SMC3: variants seen among roughly 807,000 people sequenced by gnomAD.
SMC3 encodes the protein structural maintenance of chromosomes 3, also known as structural maintenance of chromosomes protein 3.
In SMC3, 20 loss-of-function variants were observed where a neutral mutation model predicts 171.8. The ratio of observed to expected loss-of-function variants is 0.12; its 90% CI spans 0.08 to 0.17. The LOEUF is 0.17. SMC3 is among the 10% of genes least tolerant of loss of function. The probability of loss-of-function intolerance (pLI) is 1.00; values close to 1 mark genes in which losing one functional copy is unlikely to be tolerated. For missense variants in SMC3, 543 were observed against 1,420.4 expected (o/e 0.38, Z 9.93); for synonymous variants, 464 against 451.1 (o/e 1.03, Z -0.36).
chr10:110,578,528 C>A, intron 6 of SMC3, 100 bp from the exon 7 acceptor site: 1 of 801,632 alleles, frequency 1.2e-6, no homozygotes, highest in Non-Finnish European at 2.1e-6. Context: ...AATTACTGAT[C>A]TTTCCTCCCT....
At chr10:110,582,168 A>G (rs149494337) in intron 9 of SMC3, 70 bp downstream of exon 9, 12 of 1,267,906 alleles carry the variant, frequency 9.5e-6, no homozygotes, top group Admixed American at 1.8e-5. Flanking sequence ...AACTCAGGCC[A>G]TAATTACACT....
At chr10:110,584,823 C>A (rs143335845) in intron 13 of SMC3, among the ~76,000 whole-genome samples, 1 of 152,080 alleles carries the variant, frequency 6.6e-6, no homozygotes. Context: ...CGAGGTCTTG[C>A]CATGTAGCCT....
At chr10:110,604,203 ATT>A (rs764622575) in intron 28 of SMC3, 26 bp from the exon 29 acceptor site, 1 of 1,499,990 alleles carries the variant, frequency 6.7e-7, no homozygotes, top group East Asian at 2.3e-5. Context: ...TAATTAACAG[ATT>A]TTTGTTTTTA....
rs367803262 is a variant in SMC3, at chr10:110,581,999, A to C, written c.624A>C (p.Glu208Asp). The C allele has an allele frequency of 3.5e-5, 57 of 1,613,226 alleles. No individual in the cohort carries two copies. The highest frequency in any genetic ancestry group is 4.7e-5 in the Non-Finnish European group (55 of 1,179,336). Residue 208 changes from glutamate to aspartate, a missense_variant, in exon 9 of 29, where the codon GAA becomes GAC. This residue lies in a region of SMC3 where 146 missense variants were observed against 437.9 expected (regional missense o/e 0.33). Coordinates refer to ENST00000361804, the MANE Select transcript of SMC3 (RefSeq NM_005445.4). ...TACATACTCTAGAGGAAGAAAAGGA[A>C]GAACTAGCTCAGTATCAGAAGTGGG... The part of the protein sequence containing the change: ...ERLHTLEEEK[E>D]ELAQYQKWDK...
At chr10:110,585,290 A>ATT (rs111694406) in intron 13 of SMC3, among the ~76,000 whole-genome samples, 9,371 of 123,558 alleles carry the variant, frequency 0.076, 459 homozygotes, top group East Asian at 0.25. Flanking sequence ...GATAGTAACA[A>ATT]TTTTTTTTTT....
intron 13 of SMC3, among the ~76,000 whole-genome samples, chr10:110,586,324 C>T (rs1861115184): frequency 6.6e-6 from 1 of 152,120 alleles, no homozygotes; most frequent in South Asian, 2.1e-4. Flanking sequence ...TTTGGAAGTC[C>T]AGTCGTGCTG....
At chr10:110,580,822 T>C (rs1420475433) in intron 7 of SMC3, 82 bp from the exon 8 acceptor site, 2 of 801,264 alleles carry the variant, frequency 2.5e-6, no homozygotes, top group African/African-American at 3.4e-5. Context: ...CCTTCATGTG[T>C]ATTAAAAACC....
At chr10:110,602,723 A>G in intron 26 of SMC3, 58 bp downstream of exon 26, 3 of 1,579,212 alleles carry the variant, frequency 1.9e-6, no homozygotes, top group South Asian at 2.2e-5. Flanking sequence ...AATTTATAGT[A>G]TCTTTTGCAA....
chr10:110,598,597 G>C (rs1214466891), intron 20 of SMC3, among the ~76,000 whole-genome samples: 2 of 151,912 alleles, frequency 1.3e-5, no homozygotes, highest in Admixed American at 6.6e-5. Context: ...GTAGACATGG[G>C]GTTTCACCAT....
At chr10:110,598,918 G>A (rs1327661076) in intron 20 of SMC3, among the ~76,000 whole-genome samples, 8 of 151,932 alleles carry the variant, frequency 5.3e-5, no homozygotes, top group South Asian at 2.1e-4. Flanking sequence ...ATTTGATTCC[G>A]TTTTGTCCAG....
chr10:110,586,356 T>C (rs937384326), intron 13 of SMC3, among the ~76,000 whole-genome samples: 2 of 152,212 alleles, frequency 1.3e-5, no homozygotes, highest in African/African-American at 4.8e-5. Flanking sequence ...TGTGATACTT[T>C]GTGGAAGGAG....
At chr10:110,579,587 C>T (rs1861001597) in intron 7 of SMC3, among the ~76,000 whole-genome samples, 1 of 152,148 alleles carries the variant, frequency 6.6e-6, no homozygotes, top group African/African-American at 2.4e-5. Flanking sequence ...TTCTTCATAA[C>T]ACTTACACTG....
chr10:110,603,338 TTTG>T, intron 28 of SMC3, 48 bp downstream of exon 28: 2 of 1,163,658 alleles, frequency 1.7e-6, no homozygotes, highest in Non-Finnish European at 2.5e-6. Context: ...TTCAATTATA[TTTG>T]TTGAATTCTG....
At chr10:110,571,130 A>G (rs1471940280) in intron 2 of SMC3, among the ~76,000 whole-genome samples, 1 of 152,276 alleles carries the variant, frequency 6.6e-6, no homozygotes, top group Non-Finnish European at 1.5e-5. Context: ...AAGATAAACT[A>G]TAATCCTTTT....
intron 2 of SMC3, among the ~76,000 whole-genome samples, chr10:110,569,332 T>G (rs1385408958): frequency 1.3e-5 from 2 of 152,172 alleles, no homozygotes; most frequent in African/African-American, 4.8e-5. Flanking sequence ...GTTGCCTTAT[T>G]TCAGAGACAG....
chr10:110,577,537 T>G (rs375382120), intron 5 of SMC3, 45 bp downstream of exon 5: 4 of 1,334,412 alleles, frequency 3.0e-6, no homozygotes, highest in Non-Finnish European at 4.3e-6. Context: ...TTTAATTGGT[T>G]TAGCTGATTT....
intron 19 of SMC3, 37 bp downstream of exon 19, chr10:110,596,587 G>T: frequency 6.3e-7 from 1 of 1,595,082 alleles, no homozygotes; most frequent in Non-Finnish European, 8.6e-7. Flanking sequence ...TAGATATTGT[G>T]GGGGAAGAAC....
intron 7 of SMC3, 81 bp from the exon 8 acceptor site, chr10:110,580,823 A>G: frequency 1.2e-6 from 1 of 809,718 alleles, no homozygotes; most frequent in Non-Finnish European, 2.2e-6. Context: ...CTTCATGTGT[A>G]TTAAAAACCT....
At chr10:110,582,873 G>T (rs1861053656) in intron 10 of SMC3, among the ~76,000 whole-genome samples, 1 of 151,620 alleles carries the variant, frequency 6.6e-6, no homozygotes, top group Non-Finnish European at 1.5e-5. Context: ...TTACCATGTT[G>T]CCCAGGCTGG....
Sources: allele counts gnomAD v4.1 joint callset (sites outside exome capture counted in the v4.1 genomes callset), GRCh38; gene constraint gnomAD v4.1.1; regional missense constraint gnomAD v4.1.1; transcripts MANE v1.5; gene names NCBI Gene and HGNC (gene_info 2026-07-23, HGNC 2026-07-21).